The following ASTN2 variants were observed in gnomAD, a reference collection of about 807,000 sequenced individuals.
ASTN2 encodes the protein astrotactin 2.
ASTN2 carries 54 observed loss-of-function variants against 139.8 expected under a neutral mutation model. That is an observed-to-expected ratio of 0.39 (90% confidence interval 0.31 to 0.48). The LOEUF is 0.48. Ranked by LOEUF, ASTN2 falls within the 20% of genes least tolerant of loss-of-function variation. The pLI, the probability that ASTN2 is intolerant of heterozygous loss-of-function variation, is 0.95. For synonymous variants in ASTN2, 756 were observed against 719.5 expected, an observed-to-expected ratio of 1.05 and a Z score of -0.81; for missense variants, 1,565 against 1,725.1, an observed-to-expected ratio of 0.91 and a Z score of 1.64.
In ASTN2 at chr9:116,881,083, C is replaced by T. The variant is rs548138900; in HGVS notation, c.1890-17350G>A. 4.7e-3 allele frequency among the ~76,000 whole-genome samples: 722 copies of T among 152,152 alleles called. 5 individuals carry two copies. In the Middle Eastern group the frequency reaches 0.071, roughly 15 times the overall value. On this transcript the variant is annotated intron_variant, in intron 10 of 22. Transcript: ENST00000313400. ...GGAGAAAAGGAAGAAAATAGAAAGA[C>T]AGGATGGCTGCTAGACGACAGCACA... is the stretch of plus-strand genomic sequence containing the variant.
At chr9:117,350,481 G>C (rs1041175482) in intron 1 of ASTN2, among the ~76,000 whole-genome samples, 3 of 151,922 alleles carry the variant, frequency 2.0e-5, no homozygotes, top group Admixed American at 1.3e-4. Context: ...AGCTGATAGG[G>C]GGGTGGTGGT....
At chr9:117,353,216 T>G (rs960466635) in intron 1 of ASTN2, among the ~76,000 whole-genome samples, 1 of 152,138 alleles carries the variant, frequency 6.6e-6, no homozygotes, top group Admixed American at 6.6e-5. Flanking sequence ...ACAGCACTAA[T>G]AAATGTTTCA....
At chr9:116,787,995 T>C (rs932238292) in intron 13 of ASTN2, among the ~76,000 whole-genome samples, 5 of 152,068 alleles carry the variant, frequency 3.3e-5, no homozygotes, top group Admixed American at 3.3e-4. Flanking sequence ...CTGTTTAAAA[T>C]AAAAAAATAT....
intron 6 of ASTN2, among the ~76,000 whole-genome samples, chr9:117,013,618 G>A (rs1227078912): frequency 6.6e-6 from 1 of 151,888 alleles, no homozygotes; most frequent in African/African-American, 2.4e-5. Flanking sequence ...GCACGGGCAC[G>A]GAGGTCCTCA....
intron 1 of ASTN2, among the ~76,000 whole-genome samples, chr9:117,350,578 A>G (rs1438470692): frequency 4.0e-5 from 6 of 151,710 alleles, no homozygotes; most frequent in Non-Finnish European, 8.8e-5. Flanking sequence ...AAGAAAGAAA[A>G]GAAAAGAAAA....
chr9:116,728,826 G>A (rs1412581955), intron 15 of ASTN2, among the ~76,000 whole-genome samples, 166 bp downstream of exon 15: 1 of 152,084 alleles, frequency 6.6e-6, no homozygotes, highest in Non-Finnish European at 1.5e-5. Context: ...CTGTCTGTCA[G>A]ACTCCTGTCC....
chr9:117,085,612 C>G (rs1181204185), intron 5 of ASTN2, among the ~76,000 whole-genome samples: 1 of 152,292 alleles, frequency 6.6e-6, no homozygotes, highest in East Asian at 1.9e-4. Context: ...ACGGATGCTG[C>G]CTTTTGTCCT....
At chr9:116,783,497 G>A (rs550924243) in intron 13 of ASTN2, among the ~76,000 whole-genome samples, 2 of 152,278 alleles carry the variant, frequency 1.3e-5, no homozygotes, top group African/African-American at 4.8e-5. Context: ...CAATTAGCAT[G>A]TAGTGAGCAT....
chr9:117,231,429 C>T (rs1051743525), intron 2 of ASTN2, among the ~76,000 whole-genome samples: 3 of 152,218 alleles, frequency 2.0e-5, no homozygotes, highest in Non-Finnish European at 4.4e-5. Flanking sequence ...CTTATTGCTA[C>T]TCTATTGGTT....
At chr9:116,446,071 A>AG (rs1338512465) in intron 20 of ASTN2, among the ~76,000 whole-genome samples, 1 of 151,940 alleles carries the variant, frequency 6.6e-6, no homozygotes, top group African/African-American at 2.4e-5. Flanking sequence ...TGTGAAGGAG[A>AG]GAAAGTGGCA....
chr9:117,225,535 G>GTATATATATATATATATATATATATATA (rs58184768), intron 2 of ASTN2, among the ~76,000 whole-genome samples: 2 of 63,922 alleles, frequency 3.1e-5, no homozygotes, highest in African/African-American at 8.7e-5. Context: ...CAAGCTGTAT[G>GTATATATATATATATATATATATATATA]TATATATATA....
At chr9:116,456,508 T>C (rs1283740240) in intron 20 of ASTN2, among the ~76,000 whole-genome samples, 1 of 152,150 alleles carries the variant, frequency 6.6e-6, no homozygotes, top group Non-Finnish European at 1.5e-5. Flanking sequence ...GATAAGGACA[T>C]ACCTGAGACT....
rs146986027 is a variant in ASTN2 at position 117,271,649 on chromosome 9, C to T, written c.630+19677G>A. ...CCTAGACACAATGGGGTACAGATAT[C>T]GGGTAAACACGGCTGTTCCAAATGG... is the stretch of plus-strand genomic sequence containing the variant. On this transcript the variant is annotated intron_variant, in intron 2 of 22. Transcript: ENST00000313400. Among the ~76,000 whole-genome samples, 374 of 152,256 alleles carry T rather than the reference C, an allele frequency of 2.5e-3. 1 individual carries two copies. The highest frequency in any genetic ancestry group is 8.7e-3 in the African/African-American group (361 of 41,528).
chr9:117,390,984 G>A (rs1276810472), intron 1 of ASTN2, among the ~76,000 whole-genome samples: 1 of 152,244 alleles, frequency 6.6e-6, no homozygotes, highest in South Asian at 2.1e-4. Flanking sequence ...ATTTTTAAAA[G>A]CTTCCCAAGT....
intron 20 of ASTN2, among the ~76,000 whole-genome samples, chr9:116,481,073 A>T (rs1205074405): frequency 6.6e-6 from 1 of 152,222 alleles, no homozygotes; most frequent in Non-Finnish European, 1.5e-5. Flanking sequence ...AGATCCTATT[A>T]TGATTCAGTT....
intron 3 of ASTN2, among the ~76,000 whole-genome samples, chr9:117,174,243 T>G (rs1422949367): frequency 1.3e-5 from 2 of 151,956 alleles, no homozygotes; most frequent in Non-Finnish European, 2.9e-5. Flanking sequence ...GCATATATAA[T>G]ACTATCTGCT....
intron 16 of ASTN2, among the ~76,000 whole-genome samples, chr9:116,680,980 C>G (rs1169656955): frequency 6.6e-6 from 1 of 152,190 alleles, no homozygotes; most frequent in Non-Finnish European, 1.5e-5. Context: ...GGGATGCCCT[C>G]TCTCACCACT....
At chr9:116,752,193 C>T (rs943479999) in intron 13 of ASTN2, among the ~76,000 whole-genome samples, 8 of 152,120 alleles carry the variant, frequency 5.3e-5, no homozygotes, top group African/African-American at 7.2e-5. Flanking sequence ...AATAGACCCA[C>T]GCAAATCTAG....
intron 16 of ASTN2, among the ~76,000 whole-genome samples, chr9:116,678,581 A>C (rs2132011647): frequency 6.6e-6 from 1 of 152,318 alleles, no homozygotes; most frequent in East Asian, 1.9e-4. Flanking sequence ...TTAACCTACA[A>C]GTGTAATGGA....
Sources: gnomAD v4.1 joint callset for allele counts (sites outside exome capture counted in the v4.1 genomes callset) on GRCh38, gnomAD v4.1.1 for gene constraint, MANE v1.5 for transcripts, NCBI Gene and HGNC (gene_info 2026-07-23, HGNC 2026-07-21) for gene names.